The following TMEM71 variants were observed in gnomAD, a reference collection of about 807,000 sequenced individuals.
The protein encoded by TMEM71 is transmembrane protein 71.
Under a neutral mutation model 38.0 loss-of-function variants are expected in TMEM71, and 44 were observed. The observed-to-expected ratio is 1.16, with a 90% CI of 0.91 to 1.49. TMEM71 has a LOEUF of 1.49. TMEM71 is among the 40% of genes most tolerant of loss of function. The probability of loss-of-function intolerance (pLI) is 0.00; values close to 1 mark genes in which losing one functional copy is unlikely to be tolerated. For synonymous variants in TMEM71, 133 were observed against 122.5 expected, an observed-to-expected ratio of 1.09 and a Z score of -0.56; for missense variants, 367 against 348.6, an observed-to-expected ratio of 1.05 and a Z score of -0.42.
intron 9 of TMEM71, among the ~76,000 whole-genome samples, chr8:132,711,482 C>A (rs780956698): frequency 1.3e-5 from 2 of 152,006 alleles, no homozygotes; most frequent in African/African-American, 2.4e-5. Context: ...ATTTTTATTC[C>A]CTAAAGTTTA....
chr8:132,727,356 A>G (rs145984059), intron 6 of TMEM71, among the ~76,000 whole-genome samples: 1 of 151,128 alleles, frequency 6.6e-6, no homozygotes, highest in African/African-American at 2.4e-5. Context: ...TCCTGGGTTC[A>G]TGCAATTCTC....
chr8:132,720,803 C>A (rs1826799805), intron 7 of TMEM71, among the ~76,000 whole-genome samples: 1 of 152,138 alleles, frequency 6.6e-6, no homozygotes, highest in African/African-American at 2.4e-5. Context: ...CCATAAAGAC[C>A]CCTGGACTGT....
chr8:132,709,085 C>T (rs894588637), downstream of TMEM71, among the ~76,000 whole-genome samples: 4 of 152,152 alleles, frequency 2.6e-5, no homozygotes, highest in African/African-American at 7.2e-5. Flanking sequence ...ACAGTTAGTA[C>T]TATTTCAGTA....
chr8:132,749,386 C>T (rs1828566565), intron 4 of TMEM71, among the ~76,000 whole-genome samples: 1 of 152,330 alleles, frequency 6.6e-6, no homozygotes, highest in South Asian at 2.1e-4. Context: ...ATAAACTTCT[C>T]ACCAAATACA....
chr8:132,708,751 G>A (rs1826130937), downstream of TMEM71, among the ~76,000 whole-genome samples: 2 of 152,312 alleles, frequency 1.3e-5, no homozygotes, highest in Non-Finnish European at 1.5e-5. Flanking sequence ...GGATTATCTG[G>A]GTGGGCCCCA....
chr8:132,738,926 CG>C (rs1311794759), intron 5 of TMEM71, among the ~76,000 whole-genome samples: 1 of 152,016 alleles, frequency 6.6e-6, no homozygotes, highest in Non-Finnish European at 1.5e-5. Flanking sequence ...ATTGTGCCAA[CG>C]TCCATTTCCT....
At chr8:132,760,172 A>T (rs1829250604) in intron 1 of TMEM71, 1 of 128,142 alleles carries the variant, frequency 7.8e-6, no homozygotes, top group African/African-American at 2.7e-5. Context: ...TTCAATAGAA[A>T]ATTAGTAACA....
At chr8:132,759,982 T>C (rs769046420) in intron 1 of TMEM71, among the ~76,000 whole-genome samples, 7 of 152,350 alleles carry the variant, frequency 4.6e-5, no homozygotes, top group Non-Finnish European at 1.0e-4. Context: ...TATATTAGTA[T>C]GTTACTTGTT....
At chr8:132,766,199 G>A in the TMEM71 span, among the ~76,000 whole-genome samples, 1 of 152,116 alleles carries the variant, frequency 6.6e-6, no homozygotes. Flanking sequence ...TGCGGCAGAG[G>A]GAAGAGAACA....
intron 7 of TMEM71, among the ~76,000 whole-genome samples, chr8:132,714,531 T>C (rs1826400119): frequency 6.6e-6 from 1 of 152,164 alleles, no homozygotes; most frequent in Non-Finnish European, 1.5e-5. Flanking sequence ...CCTCCACATG[T>C]ATAACATACC....
At chr8:132,735,511 C>G (rs1045232203) in intron 5 of TMEM71, among the ~76,000 whole-genome samples, 26 of 152,178 alleles carry the variant, frequency 1.7e-4, no homozygotes, top group Non-Finnish European at 1.5e-5. Flanking sequence ...ATTACTCTGA[C>G]AGCAGAGATG....
At chr8:132,766,401 T>TG in the TMEM71 span, among the ~76,000 whole-genome samples, 2 of 9,038 alleles carry the variant, frequency 2.2e-4, no homozygotes, top group Non-Finnish European at 5.1e-4. Context: ...CAGAAGTACA[T>TG]GGGGGGCGGG....
chr8:132,733,027 G>A (rs970340860), intron 5 of TMEM71, among the ~76,000 whole-genome samples: 4 of 152,328 alleles, frequency 2.6e-5, no homozygotes, highest in South Asian at 2.1e-4. Flanking sequence ...TGAGAATCAC[G>A]TGTCTGTATT....
chr8:132,751,648 C>G, intron 4 of TMEM71, 137 bp downstream of exon 4: 1 of 803,134 alleles, frequency 1.2e-6, no homozygotes, highest in South Asian at 1.6e-5. Flanking sequence ...GACAGGTCCC[C>G]TCTTACCCTT....
chr8:132,729,948 T>G (rs1458932340), intron 5 of TMEM71, among the ~76,000 whole-genome samples: 2 of 151,130 alleles, frequency 1.3e-5, no homozygotes, highest in Admixed American at 1.3e-4. Context: ...AGTAAGTGGG[T>G]TTTCAGTTAA....
chr8:132,720,615 T>C (rs1426621470), intron 7 of TMEM71, among the ~76,000 whole-genome samples: 1 of 152,232 alleles, frequency 6.6e-6, no homozygotes, highest in Non-Finnish European at 1.5e-5. Flanking sequence ...AACCTCATAA[T>C]TATCTGGGAA....
chr8:132,729,452 G>T (rs962109645), intron 5 of TMEM71, among the ~76,000 whole-genome samples: 18 of 152,182 alleles, frequency 1.2e-4, no homozygotes, highest in Non-Finnish European at 2.4e-4. Flanking sequence ...AAGAATTCGT[G>T]CCAGTTTAGA....
intron 6 of TMEM71, among the ~76,000 whole-genome samples, chr8:132,723,692 G>T (rs962306478): frequency 2.0e-5 from 3 of 151,914 alleles, no homozygotes; most frequent in African/African-American, 7.3e-5. Flanking sequence ...CTGTTCTCTG[G>T]GGACAGTGCT....
Position 132,710,818 on chromosome 8 carries a change from A to G in TMEM71, c.*149T>C. 1 of 716,078 alleles carries G rather than the reference A, an allele frequency of 1.4e-6. No individual in the cohort carries two copies. The highest frequency in any genetic ancestry group is 2.5e-6 in the Non-Finnish European group (1 of 401,662). The allele number at this position is 716,078 out of a possible 1,614,324, so 44.4% of individuals were successfully genotyped here. On this transcript the variant is annotated 3_prime_UTR_variant, in exon 10 of 10. Coordinates refer to ENST00000677595, the MANE Select transcript of TMEM71 (RefSeq NM_001382403.1). ...TTGATGGAAAAACTGAGATCATTTT[A>G]AAATCACATAGTCAAACTAAAATGG...
Sources: gnomAD v4.1 joint callset for allele counts (sites outside exome capture counted in the v4.1 genomes callset) on GRCh38, gnomAD v4.1.1 for gene constraint, MANE v1.5 for transcripts, NCBI Gene and HGNC (gene_info 2026-07-23, HGNC 2026-07-21) for gene names.